Variants in SANBR observed in about 807,000 individuals in gnomAD.
SANBR encodes the protein SANT and BTB domain regulator of CSR.
SANBR carries 77 observed loss-of-function variants against 101.8 expected under a neutral mutation model. The ratio of observed to expected loss-of-function variants is 0.76; its 90% CI spans 0.63 to 0.91. The LOEUF (loss-of-function observed/expected upper bound fraction) is 0.91, where lower values mean the gene tolerates loss of function less well. Among genes scored for constraint, SANBR ranks in the 40% least tolerant of loss-of-function variants. SANBR has a pLI of 0.00. For synonymous variants in SANBR, 279 were observed against 274.7 expected, an observed-to-expected ratio of 1.02 and a Z score of -0.15; for missense variants, 875 against 853.0, an observed-to-expected ratio of 1.03 and a Z score of -0.32.
chr2:61,107,885 CAAA>C (rs372947000), intron 14 of SANBR, among the ~76,000 whole-genome samples: 1 of 121,310 alleles, frequency 8.2e-6, no homozygotes, highest in Non-Finnish European at 1.7e-5. Flanking sequence ...GACTCTGTCT[CAAA>C]AAAAAAAAAA....
At chr2:61,068,082 T>A (rs1455022290) in intron 1 of SANBR, among the ~76,000 whole-genome samples, 1 of 152,212 alleles carries the variant, frequency 6.6e-6, no homozygotes, top group Non-Finnish European at 1.5e-5. Context: ...GGTCACACTT[T>A]TGGGGAATCA....
chr2:61,077,257 GGT>G (rs1016110471), intron 6 of SANBR, 99 bp downstream of exon 6: 129 of 798,368 alleles, frequency 1.6e-4, no homozygotes, highest in Non-Finnish European at 1.1e-5. Flanking sequence ...TTTGGACACC[GGT>G]GTTTATGCTC....
Position 61,081,494 on chromosome 2 carries a change from T to C in SANBR, c.713T>C (p.Leu238Ser). 6.3e-7 allele frequency: 1 copy of C among 1,575,592 alleles called. No homozygotes were observed. The highest frequency in any genetic ancestry group is 8.6e-7 in the Non-Finnish European group (1 of 1,164,984). The change falls in exon 7 of 22, where the codon TTA (leucine) becomes TCA (serine). Residue 238 changes from leucine (L) to serine (S), a missense_variant. Physicochemically the swap from Leu to Ser is moderately radical, Grantham distance 145. Transcript: ENST00000402291. ...VISILISSEFLKMDSLVEQCI... is the reference protein window; with the variant it reads ...VISILISSEFSKMDSLVEQCI... ...TCAATTCTTATTTCTTCGGAGTTTT[T>C]AAAAATGGATTCACTAGTAAGTATT...
chr2:61,121,480 T>TA, intron 21 of SANBR: 7 of 412,314 alleles, frequency 1.7e-5, no homozygotes, highest in South Asian at 1.6e-4. Context: ...GTGGATTTTT[T>TA]AAAGTTTTCT....
chr2:61,079,204 G>T (rs1040476861), intron 6 of SANBR, among the ~76,000 whole-genome samples: 4 of 151,878 alleles, frequency 2.6e-5, no homozygotes, highest in African/African-American at 9.7e-5. Flanking sequence ...AACCCTTTAG[G>T]ATTCTCAGTT....
chr2:61,119,491 A>G (rs1241638209), intron 20 of SANBR, among the ~76,000 whole-genome samples: 2 of 152,232 alleles, frequency 1.3e-5, no homozygotes, highest in Non-Finnish European at 2.9e-5. Flanking sequence ...ATGTGTATCC[A>G]GAATCTATAA....
At chr2:61,108,406 T>C in intron 15 of SANBR, 57 bp downstream of exon 15, 1 of 1,128,304 alleles carries the variant, frequency 8.9e-7, no homozygotes, top group Non-Finnish European at 1.3e-6. Context: ...AATTAAAGTT[T>C]AGTTTAATAG....
intron 7 of SANBR, among the ~76,000 whole-genome samples, chr2:61,082,360 T>C (rs573253318): frequency 6.6e-6 from 1 of 152,296 alleles, no homozygotes; most frequent in South Asian, 2.1e-4. Flanking sequence ...TACATGATTA[T>C]CCTCTCTTTA....
chr2:61,086,186 G>A (rs181336088), intron 8 of SANBR, among the ~76,000 whole-genome samples: 61 of 151,496 alleles, frequency 4.0e-4, no homozygotes, highest in Middle Eastern at 6.8e-3. Context: ...TTTGAGACAG[G>A]GTCTTCTTGC....
In SANBR at chr2:61,124,238, T is replaced by C; in HGVS notation, c.*2076T>C. On this transcript the variant is annotated 3_prime_UTR_variant, in exon 22 of 22. Coordinates refer to ENST00000402291, the MANE Select transcript of SANBR (RefSeq NM_001129993.3). ...TTAATATTTCACCTTACATTAATCC[T>C]GGATTCACATTTCTTTAATTGAAAT... is the stretch of plus-strand genomic sequence containing the variant. 1.0e-6 allele frequency: 1 copy of C among 968,796 alleles called. No homozygotes were observed. The highest frequency in any genetic ancestry group is 1.8e-5 in the African/African-American group (1 of 57,024). The allele number at this position is 968,796 out of a possible 1,614,324, so 60.0% of individuals were successfully genotyped here. A position where few individuals can be genotyped will look rare whatever the true frequency, so the allele number is the denominator to read the frequency against.
chr2:61,128,578 C>T (rs1235190435), downstream of SANBR, among the ~76,000 whole-genome samples: 1 of 151,806 alleles, frequency 6.6e-6, no homozygotes, highest in African/African-American at 2.4e-5. Context: ...CTGCAACCTC[C>T]ACCTCCCAGG....
At chr2:61,096,510 T>C (rs895591204) in intron 11 of SANBR, among the ~76,000 whole-genome samples, 2 of 152,186 alleles carry the variant, frequency 1.3e-5, no homozygotes, top group African/African-American at 4.8e-5. Flanking sequence ...AGTCCAGTGG[T>C]CTTCCCCATC....
intron 17 of SANBR, chr2:61,117,129 G>C (rs770052308): frequency 8.0e-5 from 43 of 538,222 alleles, no homozygotes; most frequent in Admixed American, 1.7e-4. Context: ...TTCTAGGTCT[G>C]TATCTCTTTG....
chr2:61,117,519 C>A lies in SANBR; in HGVS notation c.1918C>A (p.Gln640Lys). The change falls in exon 19 of 22, where the codon CAG becomes AAG. Residue 640 changes from glutamine (Q) to lysine (K), a missense_variant. Gln to Lys is a moderately conservative substitution (Grantham distance 53). Coordinates refer to ENST00000402291, the MANE Select transcript of SANBR (RefSeq NM_001129993.3). ...TGCCACAAGATCCTTGAGATTCAAC[C>A]AGGATGCACAAAGAGAAGACGGTAA... ...WDATRSLRFN[Q>K]DAQREDDQRR... 6.2e-7 allele frequency: 1 copy of A among 1,613,368 alleles called. No homozygotes were observed. The highest frequency in any genetic ancestry group is 8.5e-7 in the Non-Finnish European group (1 of 1,179,504).
rs1298762385 is a variant in SANBR, at chr2:61,122,786, T to TG, written c.*624_*625insG. Reference sequence around the variant, plus strand: ...AGTACAATGTTAATCCAACTTTTTTTTCTTTCAGTTTTTAATGCTTATCTA... The same window carrying TG: ...AGTACAATGTTAATCCAACTTTTTTTGTCTTTCAGTTTTTAATGCTTATCTA... On this transcript the variant is annotated 3_prime_UTR_variant, in exon 22 of 22. Coordinates refer to ENST00000402291, the MANE Select transcript of SANBR (RefSeq NM_001129993.3). 10 of 985,350 alleles carry TG rather than the reference T, an allele frequency of 1.0e-5. No homozygotes were observed. The highest frequency in any genetic ancestry group is 1.2e-5 in the Non-Finnish European group (10 of 829,858). The allele number at this position is 985,350 out of a possible 1,614,324, so 61.0% of individuals were successfully genotyped here. A position where few individuals can be genotyped will look rare whatever the true frequency, so the allele number is the denominator to read the frequency against.
intron 7 of SANBR, 39 bp from the exon 8 acceptor site, chr2:61,083,115 T>A (rs746019651): frequency 6.9e-7 from 1 of 1,447,394 alleles, no homozygotes; most frequent in Non-Finnish European, 9.7e-7. Context: ...TTGTCCTTCA[T>A]GCTACTATTT....
intron 8 of SANBR, 43 bp downstream of exon 8, chr2:61,083,357 AAG>A: frequency 8.9e-7 from 1 of 1,127,516 alleles, no homozygotes. Context: ...CTCCTGTTAA[AAG>A]AAATATATTT....
chr2:61,110,228 A>G (rs1683764928), intron 16 of SANBR, among the ~76,000 whole-genome samples: 1 of 152,090 alleles, frequency 6.6e-6, no homozygotes, highest in Non-Finnish European at 1.5e-5. Flanking sequence ...GCAGAGTGGT[A>G]TTCCATTATA....
intron 11 of SANBR, among the ~76,000 whole-genome samples, chr2:61,094,723 A>G (rs1682945786): frequency 7.1e-6 from 1 of 141,370 alleles, no homozygotes; most frequent in Non-Finnish European, 1.5e-5. Context: ...GGCTCACTGC[A>G]ACCTCCACCT....
Sources: gnomAD v4.1 joint callset for allele counts (sites outside exome capture counted in the v4.1 genomes callset) on GRCh38, gnomAD v4.1.1 for gene constraint, MANE v1.5 for transcripts, NCBI Gene and HGNC (gene_info 2026-07-23, HGNC 2026-07-21) for gene names.